ARID1B: variants seen among roughly 807,000 people sequenced by gnomAD.
ARID1B encodes the protein AT-rich interaction domain 1B, also known as AT-rich interactive domain-containing protein 1B.
A neutral mutation model predicts 212.3 loss-of-function variants in ARID1B; 30 were observed. That is an observed-to-expected ratio of 0.14 (90% CI 0.11 to 0.19). ARID1B has a LOEUF of 0.19. Ranked by LOEUF, ARID1B falls within the 10% of genes least tolerant of loss-of-function variation. The pLI is 1.00. For missense variants in ARID1B, 2,891 were observed against 3,204.0 expected (o/e 0.90, Z 2.36); for synonymous variants, 1,402 against 1,301.7 (o/e 1.08, Z -1.66).
chr6:156,864,987 A>G lies in ARID1B; in HGVS notation c.1986+35566A>G, dbSNP rs561042727. On this transcript the variant is annotated intron_variant, in intron 2 of 19. Coordinates refer to ENST00000636930, the MANE Select transcript of ARID1B (RefSeq NM_001374828.1). ...CCATGCACTCCCCTTTAGAATCTCA[A>G]TCGGTTATAACTGTCTGTCTCTCCT... Among the ~76,000 whole-genome samples, 13 of 152,156 alleles carry G rather than the reference A, an allele frequency of 8.5e-5. 1 individual carries two copies. The South Asian group carries it at 1.0e-3, about 12-fold the overall frequency.
At chr6:157,093,984 G>T (rs1317477075) in intron 5 of ARID1B, among the ~76,000 whole-genome samples, 15 of 152,220 alleles carry the variant, frequency 9.9e-5, no homozygotes, top group Admixed American at 3.3e-4. Context: ...AGTCTAGTGG[G>T]AAAGACAGGA....
At chr6:157,106,597 T>C (rs1786500460) in intron 5 of ARID1B, among the ~76,000 whole-genome samples, 1 of 152,070 alleles carries the variant, frequency 6.6e-6, no homozygotes, top group Non-Finnish European at 1.5e-5. Context: ...TATTTCAGAG[T>C]CAGCTGATTA....
At chr6:157,169,880 G>T (rs961138809) in intron 9 of ARID1B, 6 of 152,186 alleles carry the variant, frequency 3.9e-5, no homozygotes, top group African/African-American at 1.4e-4. Context: ...CTCACAGAGA[G>T]CCCTGGGCAC....
intron 14 of ARID1B, 117 bp downstream of exon 14, chr6:157,189,897 A>G (rs1793236714): frequency 6.4e-7 from 1 of 1,573,952 alleles, no homozygotes; most frequent in Non-Finnish European, 8.6e-7. Flanking sequence ...TTAAATGTTG[A>G]TGACTGCCAG....
intron 7 of ARID1B, among the ~76,000 whole-genome samples, chr6:157,134,236 GT>G (rs1335580835): frequency 1.3e-5 from 2 of 152,190 alleles, no homozygotes; most frequent in East Asian, 1.9e-4. Flanking sequence ...TTACCTGCTG[GT>G]TCTCAGAAAA....
chr6:156,961,984 A>C (rs1051885490), intron 4 of ARID1B, among the ~76,000 whole-genome samples: 12 of 152,086 alleles, frequency 7.9e-5, no homozygotes, highest in African/African-American at 2.9e-4. Flanking sequence ...ATAATTTTAC[A>C]TATACACAAA....
Position 157,210,569 on chromosome 6 carries a change from C to A in ARID1B, c.*2678C>A, listed in dbSNP as rs1794705275. ...CCCCGAATCAAGATTTACAGAAGCC[C>A]ACGAAGAATTTACAGCCTGCTTGAG... On this transcript the variant is annotated 3_prime_UTR_variant, in exon 20 of 20. Transcript: ENST00000636930. 1 of 232,342 alleles carries A rather than the reference C, an allele frequency of 4.3e-6. No individual in the cohort carries two copies. Among genetic ancestry groups the A allele is most frequent in the Non-Finnish European group, 8.5e-6 (1 of 117,712 alleles). 14.4% of individuals were successfully genotyped at this position (232,342 alleles called of 1,614,324 possible).
intron 4 of ARID1B, among the ~76,000 whole-genome samples, chr6:157,003,721 C>T (rs1445290877): frequency 6.6e-6 from 1 of 152,202 alleles, no homozygotes; most frequent in Non-Finnish European, 1.5e-5. Flanking sequence ...TAGGGTCTTG[C>T]TCTGTCACCC....
chr6:157,123,896 A>C, intron 6 of ARID1B, among the ~76,000 whole-genome samples: 1 of 152,266 alleles, frequency 6.6e-6, no homozygotes, highest in East Asian at 1.9e-4. Context: ...ACGTGCCCAC[A>C]GCTGCTGAAC....
At chr6:156,857,440 C>T (rs1785028816) in intron 2 of ARID1B, among the ~76,000 whole-genome samples, 2 of 151,914 alleles carry the variant, frequency 1.3e-5, no homozygotes, top group Non-Finnish European at 2.9e-5. Flanking sequence ...GTGTACTTGG[C>T]CTGGGGGCTA....
intron 2 of ARID1B, among the ~76,000 whole-genome samples, chr6:156,852,879 T>C (rs1345979033): frequency 6.6e-6 from 1 of 152,254 alleles, no homozygotes; most frequent in East Asian, 1.9e-4. Flanking sequence ...CTTCACTTAA[T>C]TGGGAGAGCA....
At chr6:157,043,390 C>T (rs1782015931) in intron 4 of ARID1B, among the ~76,000 whole-genome samples, 1 of 152,206 alleles carries the variant, frequency 6.6e-6, no homozygotes, top group Non-Finnish European at 1.5e-5. Context: ...CTCAACAGTT[C>T]TCACTGCCTT....
chr6:157,115,957 C>T (rs1040869426), intron 6 of ARID1B, among the ~76,000 whole-genome samples: 1 of 152,106 alleles, frequency 6.6e-6, no homozygotes, highest in Non-Finnish European at 1.5e-5. Context: ...AATTAGGCCA[C>T]CAAAGGCATT....
chr6:157,150,073 A>G (rs1790087751), intron 8 of ARID1B: 1 of 152,230 alleles, frequency 6.6e-6, no homozygotes, highest in Non-Finnish European at 1.5e-5. Context: ...TATTTTTGTA[A>G]ACCTGTCTGT....
intron 2 of ARID1B, among the ~76,000 whole-genome samples, chr6:156,884,009 G>A (rs1787310853): frequency 6.6e-6 from 1 of 151,824 alleles, no homozygotes; most frequent in African/African-American, 2.4e-5. Context: ...GATTCTCTGG[G>A]AAAAAAAATA....
chr6:157,006,692 A>G (rs770053452), intron 4 of ARID1B, among the ~76,000 whole-genome samples: 3 of 152,258 alleles, frequency 2.0e-5, no homozygotes, highest in Non-Finnish European at 2.9e-5. Context: ...TCAGAGCAGT[A>G]TGTAGTGTTT....
At chr6:157,189,983 G>A in intron 14 of ARID1B, 55 bp from the exon 15 acceptor site, 1 of 1,601,050 alleles carries the variant, frequency 6.2e-7, no homozygotes, top group Non-Finnish European at 8.5e-7. Flanking sequence ...TGAATGTACT[G>A]TTTGGAGGTA....
chr6:156,779,516 C>A, intron 1 of ARID1B, 45 bp downstream of exon 1: 1 of 1,268,728 alleles, frequency 7.9e-7, no homozygotes, highest in Non-Finnish European at 1.0e-6. Context: ...GGCGGCCTCG[C>A]CGCGCCGCGA....
chr6:156,862,013 G>T (rs970096643), intron 2 of ARID1B, among the ~76,000 whole-genome samples: 1 of 152,220 alleles, frequency 6.6e-6, no homozygotes, highest in Non-Finnish European at 1.5e-5. Flanking sequence ...GTAGGTGTCA[G>T]TATAGAGTTC....
Sources: allele counts gnomAD v4.1 joint callset (sites outside exome capture counted in the v4.1 genomes callset), GRCh38; gene constraint gnomAD v4.1.1; transcripts MANE v1.5; gene names NCBI Gene and HGNC (gene_info 2026-07-23, HGNC 2026-07-21).